ARFRP1: variants seen among roughly 807,000 people sequenced by gnomAD.
ARFRP1 encodes ARF related protein 1, also known as ADP-ribosylation factor-related protein 1.
In ARFRP1, 19 loss-of-function variants were observed where a neutral mutation model predicts 30.3. The observed-to-expected ratio is 0.63, with a 90% CI of 0.44 to 0.92. The LOEUF (loss-of-function observed/expected upper bound fraction) is 0.92, where lower values mean the gene tolerates loss of function less well. Among genes scored for constraint, ARFRP1 ranks in the 40% least tolerant of loss-of-function variants. The pLI, the probability that ARFRP1 is intolerant of heterozygous loss-of-function variation, is 0.00. For missense variants in ARFRP1, 245 were observed against 267.5 expected, an observed-to-expected ratio of 0.92 and a Z score of 0.59; for synonymous variants, 133 against 114.2, an observed-to-expected ratio of 1.16 and a Z score of -1.05.
intron 4 of ARFRP1, chr20:63,704,255 A>T (rs2091349445): frequency 6.6e-6 from 1 of 152,254 alleles, no homozygotes; most frequent in Non-Finnish European, 1.5e-5. Flanking sequence ...GGTCCCTCCC[A>T]GTGACCTAGG....
Position 63,700,520 on chromosome 20 carries a change from G to A in ARFRP1, c.529C>T (p.Arg177Cys), listed in dbSNP as rs367735078. The change falls in exon 8 of 8, where the codon CGC becomes TGC. Residue 177 changes from arginine to cysteine, a missense_variant. Transcript: ENST00000622789. The stretch of plus-strand genomic sequence containing the variant: ...TTCACCATCCACTCGATGCCCTCGC[G>A]CACCCCTTTGCTGTGAAGACAGCGG... ...ACSALTGKGV[R>C]EGIEWMVKCV... 33 of 1,610,618 alleles carry A rather than the reference G, an allele frequency of 2.0e-5. No homozygotes were observed. The highest frequency in any genetic ancestry group is 1.1e-4 in the African/African-American group (8 of 74,890).
At chr20:63,702,767 C>G (rs566599727) in intron 4 of ARFRP1, 2 of 156,696 alleles carry the variant, frequency 1.3e-5, no homozygotes, top group African/African-American at 2.4e-5. Flanking sequence ...CTGGAGGAAC[C>G]TAGACCACAG....
intron 4 of ARFRP1, chr20:63,704,353 C>A (rs2091355258): frequency 1.3e-5 from 2 of 152,296 alleles, no homozygotes; most frequent in Admixed American, 1.3e-4. Flanking sequence ...AGCAGACACG[C>A]TGAATGACGA....
chr20:63,701,923 C>T (rs1181981121), intron 5 of ARFRP1, 23 bp from the exon 6 acceptor site: 13 of 1,547,458 alleles, frequency 8.4e-6, no homozygotes, highest in South Asian at 2.4e-5. Flanking sequence ...GGAGAGGCAG[C>T]GCCTCACACC....
chr20:63,705,642 G>A, intron 4 of ARFRP1: 1 of 533,050 alleles, frequency 1.9e-6, no homozygotes, highest in Middle Eastern at 3.2e-4. Context: ...ACCTCATCAG[G>A]GGAGAGGCAG....
At position 63,700,421 on chromosome 20, in the gene ARFRP1, C is replaced by A; in HGVS notation, c.*22G>T. On this transcript the variant is annotated 3_prime_UTR_variant, in exon 8 of 8. Coordinates refer to ENST00000622789, the MANE Select transcript of ARFRP1 (RefSeq NM_001267547.3). ...CCTCCAGCACCAGGGGACCAGCCGTCCCGACGGCAGCGCGGCTGCGCCTAC... is the reference window on the plus strand; with the variant it reads ...CCTCCAGCACCAGGGGACCAGCCGTACCGACGGCAGCGCGGCTGCGCCTAC... 1 of 1,605,342 alleles carries A rather than the reference C, an allele frequency of 6.2e-7. No individual in the cohort carries two copies. The highest frequency in any genetic ancestry group is 8.5e-7 in the Non-Finnish European group (1 of 1,179,598).
In ARFRP1 at chr20:63,701,682, T is replaced by C. The variant is rs2091211677; in HGVS notation, c.417+148A>G. On this transcript the variant is annotated intron_variant, in intron 6 of 7. Transcript: ENST00000622789. ...TGGAGAGGAACCAGGCTTGGGAAGC[T>C]GCTGGGGGCAGGGCAGGCCTTGAGA... The C allele has an allele frequency of 5.6e-6, 4 of 718,296 alleles. No homozygotes were observed. The East Asian group carries it at 1.1e-4, about 20-fold the overall frequency. 44.5% of individuals were successfully genotyped at this position (718,296 alleles called of 1,614,324 possible).
intron 4 of ARFRP1, chr20:63,705,744 T>A (rs772723233): frequency 1.9e-6 from 1 of 533,152 alleles, no homozygotes; most frequent in Admixed American, 1.9e-5. Flanking sequence ...GGCACTCACT[T>A]TGGAGGAGTG....
At chr20:63,704,453 A>C (rs2091360048) in intron 4 of ARFRP1, 1 of 152,204 alleles carries the variant, frequency 6.6e-6, no homozygotes, top group Non-Finnish European at 1.5e-5. Flanking sequence ...CAGCTGTCCC[A>C]CAGCTGGGGA....
In ARFRP1 at chr20:63,699,989, TCAC is replaced by T. The variant is rs1388821454; in HGVS notation, c.*451_*453del. ...GATCAGCCCCAGACCACTTCCGGGG[TCAC>T]GGGGTCACGGGGTCACAGGGCAGAA... On this transcript the variant is annotated 3_prime_UTR_variant, in exon 8 of 8. Transcript: ENST00000622789. 1 of 146,550 alleles carries T rather than the reference TCAC, an allele frequency of 6.8e-6. No homozygotes were observed. Among genetic ancestry groups the T allele is most frequent in the Non-Finnish European group, 1.5e-5 (1 of 68,762 alleles). The allele number at this position is 146,550 out of a possible 1,614,324, so 9.1% of individuals were successfully genotyped here.
At chr20:63,704,450 C>T (rs1177008243) in intron 4 of ARFRP1, 3 of 152,230 alleles carry the variant, frequency 2.0e-5, no homozygotes, top group Non-Finnish European at 4.4e-5. Flanking sequence ...CCACAGCTGT[C>T]CCACAGCTGG....
chr20:63,706,911 G>C, intron 2 of ARFRP1, 88 bp downstream of exon 2: 1 of 1,501,900 alleles, frequency 6.7e-7, no homozygotes, highest in East Asian at 2.3e-5. Flanking sequence ...GCTTCCGTCT[G>C]GGTAGTGAAC....
In ARFRP1 at chr20:63,700,260, A is replaced by G; in HGVS notation, c.*183T>C. ...CAGCCGGGCTGCCAGACTCCCCTCC[A>G]AAGCCTCCGGATGCCTACGCTTTTC... is the stretch of plus-strand genomic sequence containing the variant. On this transcript the variant is annotated 3_prime_UTR_variant, in exon 8 of 8. Coordinates refer to ENST00000622789, the MANE Select transcript of ARFRP1 (RefSeq NM_001267547.3). The G allele has an allele frequency of 1.1e-6, 1 of 926,624 alleles. No homozygotes were observed. The highest frequency in any genetic ancestry group is 1.6e-6 in the Non-Finnish European group (1 of 632,584). The allele number at this position is 926,624 out of a possible 1,614,324, so 57.4% of individuals were successfully genotyped here.
At chr20:63,707,288 C>T (rs2145608884) in intron 1 of ARFRP1, 191 bp from the exon 2 acceptor site, 2 of 591,812 alleles carry the variant, frequency 3.4e-6, no homozygotes, top group African/African-American at 1.9e-5. Context: ...GCCACTGTGT[C>T]CTGCTCACAG....
intron 5 of ARFRP1, 33 bp from the exon 6 acceptor site, chr20:63,701,933 C>G: frequency 1.3e-6 from 2 of 1,545,968 alleles, no homozygotes; most frequent in Middle Eastern, 1.8e-4. Flanking sequence ...CGCCTCACAC[C>G]CAGCATCCTG....
At chr20:63,703,342 T>G (rs944405638) in intron 4 of ARFRP1, 2 of 152,274 alleles carry the variant, frequency 1.3e-5, no homozygotes, top group African/African-American at 4.8e-5. Context: ...GCACCTGCAC[T>G]TCCCACAGAG....
At chr20:63,706,087 A>T (rs2091447507) in intron 4 of ARFRP1, 3 of 424,054 alleles carry the variant, frequency 7.1e-6, no homozygotes, top group South Asian at 4.2e-5. Flanking sequence ...CTTGGCATTT[A>T]GTGATTCTTT....
intron 5 of ARFRP1, 98 bp from the exon 6 acceptor site, chr20:63,701,998 G>GACCCCCCCCCC: frequency 2.2e-5 from 13 of 583,912 alleles, no homozygotes; most frequent in South Asian, 1.3e-4. Flanking sequence ...CACTCCCTCT[G>GACCCCCCCCCC]CCCCCCCCCC....
intron 5 of ARFRP1, 88 bp downstream of exon 5, chr20:63,702,048 C>G (rs186643631): frequency 1.6e-6 from 2 of 1,221,602 alleles, no homozygotes; most frequent in African/African-American, 3.2e-5. Flanking sequence ...TGACCAGACA[C>G]TGAGCCTGCC....
Sources: allele counts gnomAD v4.1 joint callset, GRCh38; gene constraint gnomAD v4.1.1; transcripts MANE v1.5; gene names NCBI Gene and HGNC (gene_info 2026-07-23, HGNC 2026-07-21).